RNF17: variants seen among roughly 807,000 people sequenced by gnomAD.
RNF17 encodes ring finger protein 17, also known as spermatogenesis associated 23.
RNF17 carries 31 observed loss-of-function variants against 200.5 expected under a neutral mutation model. The ratio of observed to expected loss-of-function variants is 0.15; its 90% CI spans 0.12 to 0.21. The LOEUF (loss-of-function observed/expected upper bound fraction) is 0.21, where lower values mean the gene tolerates loss of function less well. RNF17 is among the 10% of genes least tolerant of loss of function. The pLI, the probability that RNF17 is intolerant of heterozygous loss-of-function variation, is 1.00. For missense variants in RNF17, 1,628 were observed against 1,905.1 expected, an observed-to-expected ratio of 0.85 and a Z score of 2.71; for synonymous variants, 606 against 637.8, an observed-to-expected ratio of 0.95 and a Z score of 0.75.
intron 1 of RNF17, among the ~76,000 whole-genome samples, chr13:24,765,683 A>G (rs547919557): frequency 2.8e-4 from 43 of 152,350 alleles, no homozygotes; most frequent in African/African-American, 9.6e-4. Flanking sequence ...TTAGTATTAT[A>G]ATGCTTAGAA....
upstream of RNF17, among the ~76,000 whole-genome samples, chr13:24,763,102 A>AC (rs1255940439): frequency 6.6e-6 from 1 of 151,386 alleles, no homozygotes; most frequent in Non-Finnish European, 1.5e-5. Flanking sequence ...TCTAGTGCAA[A>AC]CCCTATATCC....
intron 11 of RNF17, among the ~76,000 whole-genome samples, chr13:24,797,845 G>A (rs779238608): frequency 1.3e-5 from 2 of 151,898 alleles, no homozygotes; most frequent in East Asian, 1.9e-4. Context: ...TAGAATAAGC[G>A]GGTTGGAGAA....
the RNF17 span, among the ~76,000 whole-genome samples, chr13:24,758,204 A>C: frequency 1.3e-5 from 2 of 152,258 alleles, no homozygotes; most frequent in East Asian, 1.9e-4. Flanking sequence ...TGGATTAATA[A>C]AACTTTCCAG....
chr13:24,802,917 G>T (rs867551007), intron 14 of RNF17, among the ~76,000 whole-genome samples: 1 of 152,140 alleles, frequency 6.6e-6, no homozygotes, highest in African/African-American at 2.4e-5. Flanking sequence ...TTAACCAGGC[G>T]TGGTGGCATG....
chr13:24,785,417 G>C (rs1468008412), intron 6 of RNF17, among the ~76,000 whole-genome samples: 1 of 152,030 alleles, frequency 6.6e-6, no homozygotes, highest in African/African-American at 2.4e-5. Context: ...TTCCATTGTA[G>C]TCAGAAAAGA....
chr13:24,853,162 C>T (rs2138237182), intron 24 of RNF17, among the ~76,000 whole-genome samples: 1 of 152,282 alleles, frequency 6.6e-6, no homozygotes, highest in Middle Eastern at 3.4e-3. Flanking sequence ...GATCTTCCTG[C>T]CTCAGTCTCC....
chr13:24,883,283 G>GT (rs1194791824), downstream of RNF17: 1 of 1,613,826 alleles, frequency 6.2e-7, no homozygotes, highest in Non-Finnish European at 8.5e-7. Flanking sequence ...GGTTTTAACA[G>GT]TGCCATCTGG....
intron 2 of RNF17, among the ~76,000 whole-genome samples, chr13:24,769,531 ATTG>A (rs751647061): frequency 4.3e-4 from 66 of 152,180 alleles, no homozygotes; most frequent in African/African-American, 1.7e-4. Context: ...CCTTCCTGAA[ATTG>A]TTATCACTCT....
chr13:24,857,640 G>A (rs938843163), intron 25 of RNF17, among the ~76,000 whole-genome samples: 3 of 152,210 alleles, frequency 2.0e-5, no homozygotes, highest in African/African-American at 7.2e-5. Context: ...GGTGGCTTAC[G>A]CCTGTAATCT....
chr13:24,865,717 T>C (rs951242145), intron 29 of RNF17, among the ~76,000 whole-genome samples: 4 of 152,188 alleles, frequency 2.6e-5, no homozygotes, highest in Non-Finnish European at 4.4e-5. Context: ...GTGCTATAAC[T>C]TTGTTCCTGT....
chr13:24,797,569 C>G (rs1263088356), intron 11 of RNF17, among the ~76,000 whole-genome samples: 1 of 152,116 alleles, frequency 6.6e-6, no homozygotes, highest in Non-Finnish European at 1.5e-5. Context: ...TTTGCACATT[C>G]TCCCCGTGTC....
downstream of RNF17, among the ~76,000 whole-genome samples, chr13:24,884,729 T>C (rs1280865294): frequency 6.6e-6 from 1 of 152,220 alleles, no homozygotes; most frequent in East Asian, 1.9e-4. Flanking sequence ...TACAGGAAAG[T>C]CTAACTACTG....
intron 6 of RNF17, among the ~76,000 whole-genome samples, chr13:24,785,884 C>A (rs1411637749): frequency 6.6e-6 from 1 of 152,134 alleles, no homozygotes; most frequent in Non-Finnish European, 1.5e-5. Context: ...CTTTTTCCAT[C>A]CTTTCATTTT....
At chr13:24,778,807 C>T (rs1406580077) in intron 4 of RNF17, among the ~76,000 whole-genome samples, 1 of 152,132 alleles carries the variant, frequency 6.6e-6, no homozygotes, top group Non-Finnish European at 1.5e-5. Context: ...TAGAGTTTTA[C>T]CTTTTATCTA....
In RNF17 at chr13:24,866,135, T is replaced by C; in HGVS notation, c.4102-9T>C. The C allele has an allele frequency of 6.9e-7, 1 of 1,448,470 alleles. No homozygotes were observed. 89.7% of individuals were successfully genotyped at this position (1,448,470 alleles called of 1,614,324 possible). ...AAAGGTGATTTTACTCAATACCATA[T>C]TATTTCAGAAACCAAGATCAGATCA... On this transcript the variant is annotated splice_polypyrimidine_tract_variant and intron_variant, in intron 29 of 35. Coordinates refer to ENST00000255324, the MANE Select transcript of RNF17 (RefSeq NM_031277.3).
At chr13:24,868,245 C>T (rs1349609845) in intron 30 of RNF17, among the ~76,000 whole-genome samples, 2 of 151,472 alleles carry the variant, frequency 1.3e-5, no homozygotes, top group African/African-American at 4.9e-5. Flanking sequence ...CCGAGGCGGG[C>T]GGATCACGAG....
chr13:24,751,296 T>C, the RNF17 span: 1 of 129,200 alleles, frequency 7.7e-6, no homozygotes, highest in Admixed American at 7.8e-5. Flanking sequence ...TTTCTGATAC[T>C]TGTATATATA....
chr13:24,886,976 G>C, the RNF17 span, among the ~76,000 whole-genome samples: 1 of 152,114 alleles, frequency 6.6e-6, no homozygotes, highest in Non-Finnish European at 1.5e-5. Flanking sequence ...CAGGCTCCAG[G>C]TGCAAGCACA....
chr13:24,854,112 A>G lies in RNF17; in HGVS notation c.3578A>G (p.Asp1193Gly). 1 of 1,613,770 alleles carries G rather than the reference A, an allele frequency of 6.2e-7. No homozygotes were observed. Among genetic ancestry groups the G allele is most frequent in the South Asian group, 1.1e-5 (1 of 91,020 alleles). ...FEATVSCVGD[D>G]GTIFVVPKLS... is the part of the protein sequence containing the mutation. The stretch of plus-strand genomic sequence containing the variant: ...GCAACAGTCAGCTGTGTTGGTGATG[A>G]TGGAACTATATTTGTAGTACCTAAA... Residue 1193 changes from aspartate to glycine, a missense_variant, in exon 25 of 36, where the codon GAT (aspartate) becomes GGT (glycine). Around this residue, in one of 5 missense-constraint regions of RNF17, gnomAD observed 609 missense variants for 681.9 expected, o/e 0.89. Transcript: ENST00000255324.
Sources: gnomAD v4.1 joint callset for allele counts (sites outside exome capture counted in the v4.1 genomes callset) on GRCh38, gnomAD v4.1.1 for gene constraint, gnomAD v4.1.1 regional missense constraint, MANE v1.5 for transcripts, NCBI Gene and HGNC (gene_info 2026-07-23, HGNC 2026-07-21) for gene names.